Variants in LHFPL3 observed in about 807,000 individuals in gnomAD.
LHFPL3 encodes the protein LHFPL tetraspan subfamily member 3.
A neutral mutation model predicts 19.3 loss-of-function variants in LHFPL3; 5 were observed. The ratio of observed to expected loss-of-function variants is 0.26; its 90% CI spans 0.14 to 0.54. The LOEUF is 0.54. Among genes scored for constraint, LHFPL3 ranks in the 20% least tolerant of loss-of-function variants. The pLI, the probability that LHFPL3 is intolerant of heterozygous loss-of-function variation, is 0.94. For missense variants in LHFPL3, 249 were observed against 307.4 expected (o/e 0.81, Z 1.42); for synonymous variants, 133 against 126.2 (o/e 1.05, Z -0.36).
chr7:104,811,053 G>A (rs781109695), intron 2 of LHFPL3, among the ~76,000 whole-genome samples: 5 of 152,170 alleles, frequency 3.3e-5, no homozygotes, highest in African/African-American at 1.2e-4. Flanking sequence ...TAGGCTTTAG[G>A]TTAGAGTCAG....
chr7:104,420,291 G>A (rs1183725511), intron 1 of LHFPL3, among the ~76,000 whole-genome samples: 1 of 152,196 alleles, frequency 6.6e-6, no homozygotes, highest in Non-Finnish European at 1.5e-5. Context: ...AGTGTCCATG[G>A]CAGCCTCCCC....
chr7:104,881,926 A>G (rs1024332367), intron 2 of LHFPL3, among the ~76,000 whole-genome samples: 1 of 152,170 alleles, frequency 6.6e-6, no homozygotes, highest in African/African-American at 2.4e-5. Context: ...TCGTTCATTA[A>G]TTTATTTTTA....
intron 1 of LHFPL3, among the ~76,000 whole-genome samples, chr7:104,432,080 G>A (rs944542484): frequency 6.6e-6 from 1 of 152,202 alleles, no homozygotes; most frequent in Non-Finnish European, 1.5e-5. Context: ...TGCAGGTGGA[G>A]ACTAGCGTGA....
chr7:104,512,016 G>T (rs1411028210), intron 1 of LHFPL3, among the ~76,000 whole-genome samples: 1 of 147,154 alleles, frequency 6.8e-6, no homozygotes, highest in Admixed American at 6.9e-5. Context: ...GTGCAGCGGT[G>T]CAATCTTGGC....
chr7:104,464,843 T>C (rs1031939800), intron 1 of LHFPL3, among the ~76,000 whole-genome samples: 2 of 152,254 alleles, frequency 1.3e-5, no homozygotes, highest in East Asian at 3.9e-4. Context: ...GGAGACATTT[T>C]CCTCATTGTC....
At chr7:104,641,688 G>C (rs1180581330) in intron 1 of LHFPL3, among the ~76,000 whole-genome samples, 1 of 152,130 alleles carries the variant, frequency 6.6e-6, no homozygotes, top group African/African-American at 2.4e-5. Context: ...TTAAATTGAG[G>C]GGAGGGGGAA....
intron 2 of LHFPL3, among the ~76,000 whole-genome samples, chr7:104,757,355 G>A (rs1794304418): frequency 6.6e-6 from 1 of 152,060 alleles, no homozygotes; most frequent in South Asian, 2.1e-4. Flanking sequence ...AAACTGACAA[G>A]TGAGACCTAA....
intron 2 of LHFPL3, among the ~76,000 whole-genome samples, chr7:104,807,080 C>T (rs981210948): frequency 3.3e-5 from 5 of 149,514 alleles, no homozygotes. Flanking sequence ...CCCTGTACCT[C>T]AGAATGTAAT....
At chr7:104,376,687 G>A (rs756059740) in intron 1 of LHFPL3, among the ~76,000 whole-genome samples, 1 of 152,104 alleles carries the variant, frequency 6.6e-6, no homozygotes, top group African/African-American at 2.4e-5. Flanking sequence ...AGCTAATACA[G>A]TTGTGAAGTG....
intron 1 of LHFPL3, among the ~76,000 whole-genome samples, chr7:104,443,607 A>T (rs975747507): frequency 2.0e-5 from 3 of 152,238 alleles, no homozygotes; most frequent in African/African-American, 7.2e-5. Flanking sequence ...TGTAACCAAC[A>T]AGGACATGTA....
chr7:104,343,733 G>A (rs983879530), intron 1 of LHFPL3, among the ~76,000 whole-genome samples: 5 of 150,986 alleles, frequency 3.3e-5, no homozygotes, highest in Non-Finnish European at 7.4e-5. Flanking sequence ...GCTTGCGTGT[G>A]TGTGTGTGTG....
At chr7:104,542,880 T>G (rs1056713121) in intron 1 of LHFPL3, among the ~76,000 whole-genome samples, 64 of 152,108 alleles carry the variant, frequency 4.2e-4, no homozygotes, top group Non-Finnish European at 7.5e-4. Context: ...CTATTTACAA[T>G]AGCAAAGACT....
intron 2 of LHFPL3, among the ~76,000 whole-genome samples, chr7:104,749,726 A>T (rs1403775304): frequency 6.6e-6 from 1 of 152,278 alleles, no homozygotes; most frequent in African/African-American, 2.4e-5. Context: ...TGAAGGCTCA[A>T]TATGACCCTT....
chr7:104,880,053 A>G (rs1056544125), intron 2 of LHFPL3, among the ~76,000 whole-genome samples: 5 of 152,036 alleles, frequency 3.3e-5, no homozygotes, highest in African/African-American at 1.2e-4. Flanking sequence ...AAAAAACCAA[A>G]GACAGGCTCT....
chr7:104,789,076 AAC>A (rs1789973829), intron 2 of LHFPL3, among the ~76,000 whole-genome samples: 1 of 152,312 alleles, frequency 6.6e-6, no homozygotes, highest in East Asian at 1.9e-4. Flanking sequence ...TAAACTCCAA[AAC>A]ACACAATACA....
At chr7:104,575,408 T>A (rs890970448) in intron 1 of LHFPL3, among the ~76,000 whole-genome samples, 1 of 152,068 alleles carries the variant, frequency 6.6e-6, no homozygotes, top group Admixed American at 6.6e-5. Context: ...ATTTATAGAA[T>A]ATAACAGAAA....
chr7:104,591,537 T>G (rs1442409912), intron 1 of LHFPL3, among the ~76,000 whole-genome samples: 2 of 152,230 alleles, frequency 1.3e-5, no homozygotes, highest in Non-Finnish European at 2.9e-5. Context: ...TCTCTCTGGC[T>G]GCCCTTAACA....
At chr7:104,834,013 C>G (rs1483483615) in intron 2 of LHFPL3, among the ~76,000 whole-genome samples, 1 of 148,728 alleles carries the variant, frequency 6.7e-6, no homozygotes, top group African/African-American at 2.5e-5. Context: ...ATTTAGAGTC[C>G]GATGTTTGAG....
At chr7:104,850,905 G>T (rs1396170934) in intron 2 of LHFPL3, among the ~76,000 whole-genome samples, 1 of 152,178 alleles carries the variant, frequency 6.6e-6, no homozygotes, top group East Asian at 1.9e-4. Context: ...CACCCACAGA[G>T]ATTTAGAAGT....
Sources: allele counts gnomAD v4.1 joint callset (sites outside exome capture counted in the v4.1 genomes callset), GRCh38; gene constraint gnomAD v4.1.1; transcripts MANE v1.5; gene names NCBI Gene and HGNC (gene_info 2026-07-23, HGNC 2026-07-21).